SPAG16: variants seen among roughly 807,000 people sequenced by gnomAD.
SPAG16 encodes sperm associated antigen 16.
SPAG16 carries 86 observed loss-of-function variants against 80.4 expected under a neutral mutation model. That is an observed-to-expected ratio of 1.07 (90% CI 0.90 to 1.28). SPAG16 has a LOEUF of 1.28. Among genes scored for constraint, SPAG16 ranks in the 50% most tolerant of loss-of-function variants. The pLI is 0.00. For synonymous variants in SPAG16, 294 were observed against 265.9 expected (o/e 1.11, Z -1.03); for missense variants, 870 against 765.3 (o/e 1.14, Z -1.61).
intron 13 of SPAG16, among the ~76,000 whole-genome samples, chr2:214,062,531 T>C (rs1345583684): frequency 6.6e-6 from 1 of 151,718 alleles, no homozygotes; most frequent in Non-Finnish European, 1.5e-5. Flanking sequence ...TTTCAATTGA[T>C]GGCAACACAA....
At chr2:214,082,984 C>T (rs779794600) in intron 13 of SPAG16, among the ~76,000 whole-genome samples, 2 of 152,194 alleles carry the variant, frequency 1.3e-5, no homozygotes, top group Non-Finnish European at 2.9e-5. Flanking sequence ...CTTCTCCTCA[C>T]CTTTCTCACT....
intron 10 of SPAG16, among the ~76,000 whole-genome samples, chr2:213,740,405 G>A (rs2067491563): frequency 6.6e-6 from 1 of 152,186 alleles, no homozygotes; most frequent in African/African-American, 2.4e-5. Flanking sequence ...TGAAATGGGA[G>A]TGGACCAGAA....
At chr2:214,364,230 T>C (rs1187353478) in intron 15 of SPAG16, among the ~76,000 whole-genome samples, 1 of 152,086 alleles carries the variant, frequency 6.6e-6, no homozygotes. Context: ...ATGTCGGACA[T>C]ATACCAGATT....
At chr2:213,786,859 A>G (rs974905631) in intron 10 of SPAG16, among the ~76,000 whole-genome samples, 1 of 152,190 alleles carries the variant, frequency 6.6e-6, no homozygotes, top group Admixed American at 6.5e-5. Flanking sequence ...GAATAATACA[A>G]TAAATTTATT....
chr2:213,356,401 AT>A (rs891342085), intron 7 of SPAG16, among the ~76,000 whole-genome samples: 16 of 152,310 alleles, frequency 1.1e-4, no homozygotes, highest in South Asian at 1.0e-3. Context: ...TTGGTAGGTT[AT>A]TAATTATTGC....
intron 15 of SPAG16, among the ~76,000 whole-genome samples, chr2:214,399,046 A>G (rs1047167736): frequency 6.6e-6 from 1 of 152,168 alleles, no homozygotes; most frequent in African/African-American, 2.4e-5. Context: ...AAGCACTTCA[A>G]ATTATTTAAA....
At chr2:213,877,792 T>C (rs372317249) in intron 11 of SPAG16, among the ~76,000 whole-genome samples, 2 of 152,056 alleles carry the variant, frequency 1.3e-5, no homozygotes, top group South Asian at 4.1e-4. Context: ...CATTTATGAA[T>C]CATGACACAA....
intron 10 of SPAG16, among the ~76,000 whole-genome samples, chr2:213,662,026 A>C (rs1414472415): frequency 1.3e-5 from 2 of 152,112 alleles, no homozygotes; most frequent in East Asian, 3.8e-4. Context: ...TTTCCTTAGC[A>C]GCTATTTTCA....
intron 10 of SPAG16, among the ~76,000 whole-genome samples, chr2:213,519,329 C>T (rs947937923): frequency 7.2e-5 from 11 of 152,226 alleles, no homozygotes; most frequent in Non-Finnish European, 1.2e-4. Flanking sequence ...ACCCAAATCT[C>T]ATCTTGAATT....
intron 10 of SPAG16, among the ~76,000 whole-genome samples, chr2:213,608,095 C>A (rs1338747473): frequency 1.3e-5 from 2 of 152,034 alleles, no homozygotes; most frequent in South Asian, 2.1e-4. Flanking sequence ...TTTGTTTTTT[C>A]TGAGTGTGTG....
intron 15 of SPAG16, among the ~76,000 whole-genome samples, chr2:214,265,684 T>G (rs550906867): frequency 6.6e-6 from 1 of 152,114 alleles, no homozygotes; most frequent in African/African-American, 2.4e-5. Flanking sequence ...AAACCAATGG[T>G]CATGTAGATT....
chr2:213,881,947 C>A (rs2076361206), intron 11 of SPAG16, among the ~76,000 whole-genome samples: 1 of 152,074 alleles, frequency 6.6e-6, no homozygotes, highest in Admixed American at 6.5e-5. Context: ...TTTGTCTATT[C>A]AGTATGAGGT....
intron 10 of SPAG16, among the ~76,000 whole-genome samples, chr2:213,525,199 G>T (rs1396528517): frequency 6.6e-6 from 1 of 151,236 alleles, no homozygotes; most frequent in Non-Finnish European, 1.5e-5. Flanking sequence ...GGACATATTT[G>T]CTTTCCTTTT....
chr2:214,203,153 AAAT>A (rs2058053689), intron 15 of SPAG16, among the ~76,000 whole-genome samples: 1 of 152,240 alleles, frequency 6.6e-6, no homozygotes, highest in Non-Finnish European at 1.5e-5. Context: ...TTATAATTGA[AAAT>A]AAAGATAATT....
intron 12 of SPAG16, among the ~76,000 whole-genome samples, chr2:213,949,272 G>A (rs569208968): frequency 1.0e-4 from 15 of 143,898 alleles, no homozygotes; most frequent in African/African-American, 3.9e-4. Context: ...CCAGGTTCAA[G>A]CGATTCTCGT....
intron 15 of SPAG16, among the ~76,000 whole-genome samples, chr2:214,370,828 G>A (rs1036981385): frequency 1.3e-5 from 2 of 152,066 alleles, no homozygotes; most frequent in Non-Finnish European, 2.9e-5. Context: ...AAAATCTAAC[G>A]TGTTTATTTC....
At position 213,944,349 on chromosome 2, in the gene SPAG16, CAG is replaced by C. The variant is rs368232692; in HGVS notation, c.1400+14207_1400+14208del. On this transcript the variant is annotated intron_variant, in intron 12 of 15. Transcript: ENST00000331683. Reference sequence around the variant, plus strand: ...ATTATTGCTTAGGTGTAAGCTCTTACAGAGTTTGCCTTGCTAGGTTTTGGAGT... The same window carrying C: ...ATTATTGCTTAGGTGTAAGCTCTTACAGTTTGCCTTGCTAGGTTTTGGAGT... Among the ~76,000 whole-genome samples, 27 of 152,330 alleles carry C rather than the reference CAG, an allele frequency of 1.8e-4. No homozygotes were observed. In the East Asian group the frequency reaches 3.3e-3, roughly 18 times the overall value.
At position 213,461,588 on chromosome 2, in the gene SPAG16, GGATTTTTAATATGT is replaced by G. The variant is rs1209773899; in HGVS notation, c.943-28369_943-28356del. ...AGTAAGTGAATAGAGAATGAGCAAT[GGATTTTTAATATGT>G]GATTTGAGAAAGCTTAAAATAATTA... On this transcript the variant is annotated intron_variant, in intron 9 of 15. Coordinates refer to ENST00000331683, the MANE Select transcript of SPAG16 (RefSeq NM_024532.5). 2.6e-5 allele frequency among the ~76,000 whole-genome samples: 4 copies of G among 152,240 alleles called. No individual in the cohort carries two copies. In the East Asian group the frequency reaches 7.7e-4, roughly 29 times the overall value.
At chr2:214,346,500 CTCT>C in intron 15 of SPAG16, among the ~76,000 whole-genome samples, 1 of 152,212 alleles carries the variant, frequency 6.6e-6, no homozygotes, top group East Asian at 1.9e-4. Context: ...ATGTCCCCTC[CTCT>C]TTTCTTTGGC....
Sources: gnomAD v4.1 joint callset for allele counts (sites outside exome capture counted in the v4.1 genomes callset) on GRCh38, gnomAD v4.1.1 for gene constraint, MANE v1.5 for transcripts, NCBI Gene and HGNC (gene_info 2026-07-23, HGNC 2026-07-21) for gene names.